ZNF385B: variants seen among roughly 807,000 people sequenced by gnomAD.
ZNF385B encodes the protein zinc finger protein 385B.
In ZNF385B, 23 loss-of-function variants were observed where a neutral mutation model predicts 39.2. That is an observed-to-expected ratio of 0.59 (90% CI 0.42 to 0.83). ZNF385B has a LOEUF of 0.83. Among genes scored for constraint, ZNF385B ranks in the 40% least tolerant of loss-of-function variants. The pLI, the probability that ZNF385B is intolerant of heterozygous loss-of-function variation, is 0.00. For synonymous variants in ZNF385B, 205 were observed against 222.6 expected, an observed-to-expected ratio of 0.92 and a Z score of 0.70; for missense variants, 552 against 598.9, an observed-to-expected ratio of 0.92 and a Z score of 0.82.
chr2:179,799,201 T>C (rs1705872297), intron 1 of ZNF385B, among the ~76,000 whole-genome samples: 1 of 152,102 alleles, frequency 6.6e-6, no homozygotes, highest in South Asian at 2.1e-4. Flanking sequence ...ATGATTATAC[T>C]GATTCAGCAA....
intron 1 of ZNF385B, among the ~76,000 whole-genome samples, 164 bp from the exon 2 acceptor site, chr2:179,770,836 T>A (rs1703972378): frequency 6.6e-6 from 1 of 152,206 alleles, no homozygotes; most frequent in African/African-American, 2.4e-5. Context: ...CGAAAGGGAT[T>A]TTCAGTACTT....
intron 5 of ZNF385B, among the ~76,000 whole-genome samples, chr2:179,497,013 C>T (rs2056289845): frequency 6.6e-6 from 1 of 152,224 alleles, no homozygotes; most frequent in South Asian, 2.1e-4. Flanking sequence ...CACACCACTG[C>T]ATTCCAGCCT....
Position 179,859,968 on chromosome 2 carries a change from T to A in ZNF385B, c.-155+1133A>T, listed in dbSNP as rs1441284627. Among the ~76,000 whole-genome samples, 3 of 152,226 alleles carry A rather than the reference T, an allele frequency of 2.0e-5. No homozygotes were observed. In the South Asian group the frequency reaches 6.2e-4, roughly 32 times the overall value. ...CCTAAGATGTAGCTTATTGACTTTATGAAAAGCCCTCTTTTTAATTAGATA... is the reference window on the plus strand; with the variant it reads ...CCTAAGATGTAGCTTATTGACTTTAAGAAAAGCCCTCTTTTTAATTAGATA... On this transcript the variant is annotated intron_variant, in intron 1 of 9. Coordinates refer to ENST00000410066, the MANE Select transcript of ZNF385B (RefSeq NM_152520.6).
rs150022081 is a variant in ZNF385B at position 179,470,462 on chromosome 2, TTTTCC to T, written c.715+12805_715+12809del. Among the ~76,000 whole-genome samples the T allele has an allele frequency of 9.1e-3, 1,386 of 151,902 alleles. 26 individuals are homozygous for T. Among genetic ancestry groups the T allele is most frequent in the East Asian group, 0.025 (130 of 5,168 alleles). On this transcript the variant is annotated intron_variant, in intron 6 of 9. Coordinates refer to ENST00000410066, the MANE Select transcript of ZNF385B (RefSeq NM_152520.6). ...GTCCCATGAAACTGAAAAAAGATGA[TTTTCC>T]TTTGTGATATGGTTTGGCCCCCCCG...
chr2:179,569,455 T>C (rs1391732893), intron 3 of ZNF385B, among the ~76,000 whole-genome samples: 1 of 152,306 alleles, frequency 6.6e-6, no homozygotes, highest in Middle Eastern at 3.4e-3. Flanking sequence ...TGGGAAATCA[T>C]GAGGAAAATC....
chr2:179,685,329 A>C (rs1013932904), intron 3 of ZNF385B, among the ~76,000 whole-genome samples: 8 of 152,198 alleles, frequency 5.3e-5, no homozygotes, highest in Admixed American at 5.2e-4. Context: ...CATTCTCCAG[A>C]CAGATACAAT....
At chr2:179,785,564 G>A (rs1177567534) in intron 1 of ZNF385B, among the ~76,000 whole-genome samples, 1 of 152,128 alleles carries the variant, frequency 6.6e-6, no homozygotes, top group Non-Finnish European at 1.5e-5. Flanking sequence ...GAATTTGGAA[G>A]AAGTTAATTC....
intron 1 of ZNF385B, among the ~76,000 whole-genome samples, chr2:179,835,970 C>A (rs71425646): frequency 6.6e-6 from 1 of 151,952 alleles, no homozygotes; most frequent in Admixed American, 6.6e-5. Flanking sequence ...TATAAGTGAA[C>A]GGATAAATAA....
At chr2:179,580,011 A>C (rs1341460060) in intron 3 of ZNF385B, among the ~76,000 whole-genome samples, 1 of 152,130 alleles carries the variant, frequency 6.6e-6, no homozygotes, top group African/African-American at 2.4e-5. Context: ...TGTGGTTTAG[A>C]AATTTGAAGG....
intron 3 of ZNF385B, among the ~76,000 whole-genome samples, chr2:179,565,991 G>C (rs903522079): frequency 2.6e-5 from 4 of 152,184 alleles, no homozygotes; most frequent in African/African-American, 9.6e-5. Flanking sequence ...TTCTGGCTTA[G>C]AGACCAGACT....
intron 5 of ZNF385B, among the ~76,000 whole-genome samples, chr2:179,510,211 G>T (rs994827957): frequency 6.6e-6 from 1 of 152,148 alleles, no homozygotes; most frequent in African/African-American, 2.4e-5. Flanking sequence ...CAGTGAGTGT[G>T]TGTAGATATA....
rs182624214 is a variant in ZNF385B, at chr2:179,519,047, C to G, written c.442-409G>C. Among the ~76,000 whole-genome samples, 24 of 152,278 alleles carry G rather than the reference C, an allele frequency of 1.6e-4. 1 individual carries two copies. In the East Asian group the frequency reaches 4.2e-3, roughly 27 times the overall value. On this transcript the variant is annotated intron_variant, in intron 4 of 9. Transcript: ENST00000410066. Reference sequence around the variant, plus strand: ...TCAAGCTGGAATGCAGTGGCGTGATCATAGTTCACTGCAGCCTCAACCTCC... The same window carrying G: ...TCAAGCTGGAATGCAGTGGCGTGATGATAGTTCACTGCAGCCTCAACCTCC...
intron 6 of ZNF385B, among the ~76,000 whole-genome samples, chr2:179,473,132 G>C (rs927975061): frequency 3.9e-5 from 6 of 152,168 alleles, no homozygotes; most frequent in Non-Finnish European, 7.3e-5. Flanking sequence ...CCAGTGGAAG[G>C]ATAGAAAGAC....
At chr2:179,691,086 T>C (rs1349591774) in intron 3 of ZNF385B, among the ~76,000 whole-genome samples, 1 of 152,156 alleles carries the variant, frequency 6.6e-6, no homozygotes, top group Non-Finnish European at 1.5e-5. Flanking sequence ...TTCTGAACTG[T>C]TTTGTTTTTT....
chr2:179,762,494 T>C (rs1559171880), intron 3 of ZNF385B, among the ~76,000 whole-genome samples: 1 of 152,038 alleles, frequency 6.6e-6, no homozygotes, highest in Non-Finnish European at 1.5e-5. Context: ...GCCCAGGTGG[T>C]AGATTATTAA....
chr2:179,626,239 C>G (rs2106175819), intron 3 of ZNF385B, among the ~76,000 whole-genome samples: 1 of 152,186 alleles, frequency 6.6e-6, no homozygotes, highest in South Asian at 2.1e-4. Context: ...TTAGGAGCCA[C>G]TGAATTTATG....
intron 3 of ZNF385B, among the ~76,000 whole-genome samples, chr2:179,656,367 G>C (rs1404700842): frequency 2.0e-5 from 3 of 152,196 alleles, no homozygotes; most frequent in Non-Finnish European, 4.4e-5. Context: ...GGCTTAAAGA[G>C]GGTAAGTGAT....
At chr2:179,764,662 G>A (rs1283887791) in intron 3 of ZNF385B, among the ~76,000 whole-genome samples, 8 of 152,000 alleles carry the variant, frequency 5.3e-5, no homozygotes, top group African/African-American at 1.7e-4. Flanking sequence ...TGTGACTTAT[G>A]GCAGACAATT....
At chr2:179,502,282 T>C (rs566752708) in intron 5 of ZNF385B, among the ~76,000 whole-genome samples, 1 of 152,330 alleles carries the variant, frequency 6.6e-6, no homozygotes, top group African/African-American at 2.4e-5. Context: ...TGGGAGACTG[T>C]TGGGAAGGCA....
Sources: gnomAD v4.1 joint callset for allele counts (sites outside exome capture counted in the v4.1 genomes callset) on GRCh38, gnomAD v4.1.1 for gene constraint, MANE v1.5 for transcripts, NCBI Gene and HGNC (gene_info 2026-07-23, HGNC 2026-07-21) for gene names.